The following MTA3 variants were observed in gnomAD, a reference collection of about 807,000 sequenced individuals.
MTA3 encodes metastasis-associated protein MTA3.
A neutral mutation model predicts 83.5 loss-of-function variants in MTA3; 34 were observed. The observed-to-expected ratio is 0.41, with a 90% CI of 0.31 to 0.54. The LOEUF is 0.54. Ranked by LOEUF, MTA3 falls within the 20% of genes least tolerant of loss-of-function variation. The probability of loss-of-function intolerance (pLI) is 0.33; values close to 1 mark genes in which losing one functional copy is unlikely to be tolerated. For synonymous variants in MTA3, 303 were observed against 252.7 expected (o/e 1.20, Z -1.89); for missense variants, 761 against 726.4 (o/e 1.05, Z -0.55).
chr2:42,496,064 C>G (rs942158639), intron 2 of MTA3, among the ~76,000 whole-genome samples: 1 of 152,154 alleles, frequency 6.6e-6, no homozygotes, highest in Non-Finnish European at 1.5e-5. Flanking sequence ...ACTATAGTGC[C>G]GATTGTTTGC....
At chr2:42,644,078 A>G (rs781690966) in intron 5 of MTA3, 49 bp from the exon 6 acceptor site, 2 of 1,118,092 alleles carry the variant, frequency 1.8e-6, no homozygotes, top group Non-Finnish European at 2.6e-6. Flanking sequence ...ATGCTTTATA[A>G]GAAGTAGAAG....
At chr2:42,594,228 G>C (rs1390041841) in intron 3 of MTA3, among the ~76,000 whole-genome samples, 1 of 143,794 alleles carries the variant, frequency 7.0e-6, no homozygotes, top group Non-Finnish European at 1.5e-5. Flanking sequence ...CTAGGAGGGA[G>C]CCATGCGCCA....
chr2:42,754,948 G>A lies in MTA3; in HGVS notation c.*1549G>A, dbSNP rs1021291083. On this transcript the variant is annotated 3_prime_UTR_variant, in exon 17 of 17. Transcript: ENST00000405094. ...GAGTTGGTTCTCATCTTAGGCTTCT[G>A]CAAGGGCGAGCATGGGATGTCTCCA... 30 of 985,474 alleles carry A rather than the reference G, an allele frequency of 3.0e-5. No homozygotes were observed. The highest frequency in any genetic ancestry group is 3.6e-5 in the Non-Finnish European group (30 of 830,106). 61.0% of individuals were successfully genotyped at this position (985,474 alleles called of 1,614,324 possible).
intron 16 of MTA3, among the ~76,000 whole-genome samples, chr2:42,729,590 A>T (rs1425937835): frequency 6.6e-6 from 1 of 152,152 alleles, no homozygotes; most frequent in Non-Finnish European, 1.5e-5. Context: ...GTTTAAAATG[A>T]GTTTATACTG....
intron 2 of MTA3, among the ~76,000 whole-genome samples, chr2:42,517,844 A>C (rs1475488544): frequency 1.4e-5 from 2 of 139,454 alleles, no homozygotes; most frequent in Non-Finnish European, 3.0e-5. Context: ...ATGCCACTGC[A>C]CTCCAGTGAG....
chr2:42,496,690 A>G (rs969247537), intron 2 of MTA3, among the ~76,000 whole-genome samples: 2 of 151,722 alleles, frequency 1.3e-5, no homozygotes, highest in Non-Finnish European at 2.9e-5. Context: ...TGTGGCTGTA[A>G]CTAGCCCGAG....
intron 2 of MTA3, among the ~76,000 whole-genome samples, chr2:42,542,007 A>G (rs950864359): frequency 6.6e-6 from 1 of 152,150 alleles, no homozygotes; most frequent in African/African-American, 2.4e-5. Context: ...GTGAGGAGCC[A>G]AGGCAGCAGT....
intron 2 of MTA3, among the ~76,000 whole-genome samples, chr2:42,504,502 A>G (rs1437991145): frequency 6.6e-6 from 1 of 152,106 alleles, no homozygotes; most frequent in African/African-American, 2.4e-5. Flanking sequence ...CGGCCTCCCA[A>G]AGTGCTGGGA....
At chr2:42,666,078 C>A (rs1485639021) in intron 8 of MTA3, among the ~76,000 whole-genome samples, 1 of 152,074 alleles carries the variant, frequency 6.6e-6, no homozygotes, top group Non-Finnish European at 1.5e-5. Flanking sequence ...GAGATTGAGA[C>A]CATCCTGGCT....
intron 6 of MTA3, among the ~76,000 whole-genome samples, chr2:42,645,490 A>C (rs1236835550): frequency 6.6e-6 from 1 of 152,040 alleles, no homozygotes; most frequent in African/African-American, 2.4e-5. Flanking sequence ...GTGCCACTGC[A>C]CTCCAGCTTG....
At chr2:42,706,831 C>T (rs971580310) in intron 12 of MTA3, among the ~76,000 whole-genome samples, 2 of 152,200 alleles carry the variant, frequency 1.3e-5, no homozygotes, top group Admixed American at 6.5e-5. Flanking sequence ...ATGCTCACTT[C>T]ATATGGATTT....
chr2:42,744,290 C>T (rs945576589), intron 16 of MTA3, among the ~76,000 whole-genome samples: 8 of 152,048 alleles, frequency 5.3e-5, no homozygotes, highest in African/African-American at 1.9e-4. Flanking sequence ...AGAAGGATGC[C>T]AAATTAGCCA....
intron 2 of MTA3, among the ~76,000 whole-genome samples, chr2:42,514,859 T>G (rs566576216): frequency 6.6e-6 from 1 of 150,448 alleles, no homozygotes; most frequent in South Asian, 2.1e-4. Context: ...GGTTAATTTG[T>G]TTTTATTTTT....
At position 42,601,932 on chromosome 2, in the gene MTA3, C is replaced by T. The variant is rs187338822; in HGVS notation, c.191-7526C>T. On this transcript the variant is annotated intron_variant, in intron 3 of 16. Coordinates refer to ENST00000405094, the MANE Select transcript of MTA3 (RefSeq NM_001330442.2). Reference sequence around the variant, plus strand: ...TTGGCTCACTGCAACCTCCACCTCTCGGATTCAAGGAATTCTCCCACCTCA... The same window carrying T: ...TTGGCTCACTGCAACCTCCACCTCTTGGATTCAAGGAATTCTCCCACCTCA... 1.1e-4 allele frequency among the ~76,000 whole-genome samples: 17 copies of T among 152,268 alleles called. No homozygotes were observed. In the South Asian group the frequency reaches 1.2e-3, roughly 11 times the overall value.
chr2:42,543,903 C>T (rs1676638275), intron 2 of MTA3, among the ~76,000 whole-genome samples: 1 of 151,958 alleles, frequency 6.6e-6, no homozygotes, highest in South Asian at 2.1e-4. Context: ...ATTGCCTAGG[C>T]TTGTCTCAAA....
rs1689153069 is a variant in MTA3, at chr2:42,656,117, T to C, written c.500-83T>C. The C allele has an allele frequency of 8.7e-6, 9 of 1,029,302 alleles. No homozygotes were observed. In the South Asian group the frequency reaches 1.3e-4, roughly 14 times the overall value. 63.8% of individuals were successfully genotyped at this position (1,029,302 alleles called of 1,614,324 possible). On this transcript the variant is annotated intron_variant, in intron 6 of 16. Coordinates refer to ENST00000405094, the MANE Select transcript of MTA3 (RefSeq NM_001330442.2). ...TTACCTTACACATAAACATTTCTAA[T>C]GCTATGGTGACAGTTGTCATCAGTG... is the stretch of plus-strand genomic sequence containing the variant.
Position 42,656,300 on chromosome 2 carries a change from A to C in MTA3, c.600A>C (p.Ala200=), listed in dbSNP as rs747765727. 6.2e-7 allele frequency: 1 copy of C among 1,608,450 alleles called. No individual in the cohort carries two copies. The highest frequency in any genetic ancestry group is 8.5e-7 in the Non-Finnish European group (1 of 1,175,010). ...AGATTGACCAGTTTTTAGTTGTAGC[A>C]CGGTGAGTATGAGTATGGCATTATT... is the stretch of plus-strand genomic sequence containing the variant. ...DRQIDQFLVV[A]RAVGTFARAL... Residue 200 remains alanine (A), a splice_region_variant and synonymous_variant, in exon 7 of 17, where the codon GCA becomes GCC. Transcript: ENST00000405094.
intron 4 of MTA3, among the ~76,000 whole-genome samples, chr2:42,635,272 T>G (rs534602435): frequency 6.6e-6 from 1 of 152,194 alleles, no homozygotes; most frequent in Non-Finnish European, 1.5e-5. Flanking sequence ...GTCTACTCAC[T>G]GATTTACCAA....
chr2:42,678,144 GT>G (rs1005633857), intron 8 of MTA3, among the ~76,000 whole-genome samples: 107 of 143,700 alleles, frequency 7.4e-4, no homozygotes, highest in South Asian at 2.5e-3. Flanking sequence ...CTTGTGTTTT[GT>G]TTTTTTTTTT....
Sources: gnomAD v4.1 joint callset for allele counts (sites outside exome capture counted in the v4.1 genomes callset) on GRCh38, gnomAD v4.1.1 for gene constraint, MANE v1.5 for transcripts, NCBI Gene and HGNC (gene_info 2026-07-23, HGNC 2026-07-21) for gene names.